Variants in MAGI1 observed in about 807,000 individuals in gnomAD.
MAGI1 encodes membrane-associated guanylate kinase, WW and PDZ domain-containing protein 1.
MAGI1 carries 58 observed loss-of-function variants against 139.9 expected under a neutral mutation model. That is an observed-to-expected ratio of 0.41 (90% CI 0.34 to 0.52). The LOEUF is 0.52. Among genes scored for constraint, MAGI1 ranks in the 20% least tolerant of loss-of-function variants. The probability of loss-of-function intolerance (pLI) is 0.12; values close to 1 mark genes in which losing one functional copy is unlikely to be tolerated. For synonymous variants in MAGI1, 812 were observed against 737.9 expected (o/e 1.10, Z -1.63); for missense variants, 1,874 against 1,901.6 (o/e 0.99, Z 0.27).
intron 2 of MAGI1, among the ~76,000 whole-genome samples, chr3:65,514,518 C>G (rs1170482861): frequency 6.6e-6 from 1 of 150,482 alleles, no homozygotes; most frequent in Non-Finnish European, 1.5e-5. Context: ...AGACACTTCT[C>G]AAAAGAAGAC....
intron 1 of MAGI1, among the ~76,000 whole-genome samples, chr3:65,950,067 C>CAAAAAAAAACA (rs2063733550): frequency 1.0e-4 from 8 of 76,698 alleles, no homozygotes; most frequent in Non-Finnish European, 1.8e-4. Context: ...AACAAAAAAA[C>CAAAAAAAAACA]AAAAAAAAAA....
rs574932979 is a variant in MAGI1, at chr3:65,364,940, G to A, written c.3203C>T (p.Ser1068Leu). 12 of 1,613,762 alleles carry A rather than the reference G, an allele frequency of 7.4e-6. No homozygotes were observed. The highest frequency in any genetic ancestry group is 6.7e-5 in the East Asian group (3 of 44,860). Reference sequence around the variant, plus strand: ...TGCATTGGTCAGCAAGGTGGCATTCGAGGACTCTGCAAAGAGGGACAGAGC... The same window carrying A: ...TGCATTGGTCAGCAAGGTGGCATTCAAGGACTCTGCAAAGAGGGACAGAGC... The part of the protein sequence containing the change: ...TLRIIPGDES[S>L]NATLLTNAEK... The change falls in exon 19 of 23, where the codon TCG becomes TTG. Residue 1068 changes from serine to leucine, a missense_variant. This residue lies in a region of MAGI1 where 653 missense variants were observed against 644.5 expected (regional missense o/e 1.01). Transcript: ENST00000402939.
intron 6 of MAGI1, among the ~76,000 whole-genome samples, chr3:65,449,711 G>T (rs1035954093): frequency 6.6e-6 from 1 of 152,138 alleles, no homozygotes; most frequent in African/African-American, 2.4e-5. Context: ...GGAGGCAAAG[G>T]TTGCAGTGAG....
At chr3:65,554,615 A>G (rs2080000700) in intron 2 of MAGI1, among the ~76,000 whole-genome samples, 1 of 152,230 alleles carries the variant, frequency 6.6e-6, no homozygotes, top group Non-Finnish European at 1.5e-5. Context: ...ACTTTTAGGC[A>G]CAGTTCATTT....
rs55826911 is a variant in MAGI1 at position 65,891,885 on chromosome 3, AAT to A, written c.313+146109_313+146110del. Among the ~76,000 whole-genome samples the A allele has an allele frequency of 1.3e-3, 47 of 37,528 alleles. 3 individuals are homozygous for A. The highest frequency in any genetic ancestry group is 1.3e-3 in the African/African-American group (17 of 13,552). 24.6% of individuals were successfully genotyped at this position (37,528 alleles called of 152,430 possible). On this transcript the variant is annotated intron_variant, in intron 1 of 22. Transcript: ENST00000402939. Reference sequence around the variant, plus strand: ...AAATGTACCCTAGAACTTAAAGTATAATATATATATATATATATATATATATA... The same window carrying A: ...AAATGTACCCTAGAACTTAAAGTATAATATATATATATATATATATATATA...
At chr3:65,812,699 C>CT (rs539502538) in intron 1 of MAGI1, among the ~76,000 whole-genome samples, 1,465 of 72,932 alleles carry the variant, frequency 0.02, 182 homozygotes, top group East Asian at 0.07. Flanking sequence ...AGTTAGTTTA[C>CT]TTTTTTTTTT....
At chr3:65,517,724 C>T (rs1020622041) in intron 2 of MAGI1, among the ~76,000 whole-genome samples, 7 of 152,138 alleles carry the variant, frequency 4.6e-5, no homozygotes, top group African/African-American at 1.4e-4. Flanking sequence ...GAGCTCTCTG[C>T]CACAGGGATC....
chr3:65,702,841 A>G (rs997984340), intron 1 of MAGI1, among the ~76,000 whole-genome samples: 1 of 152,058 alleles, frequency 6.6e-6, no homozygotes, highest in Non-Finnish European at 1.5e-5. Context: ...ATGCACACTT[A>G]TCACATAAAT....
chr3:65,575,331 C>T (rs900656815), intron 2 of MAGI1, among the ~76,000 whole-genome samples: 1 of 151,886 alleles, frequency 6.6e-6, no homozygotes, highest in African/African-American at 2.4e-5. Context: ...TAATGAGGTA[C>T]CAAGATATAC....
At chr3:65,943,995 T>C (rs1247812635) in intron 1 of MAGI1, among the ~76,000 whole-genome samples, 1 of 152,178 alleles carries the variant, frequency 6.6e-6, no homozygotes, top group Non-Finnish European at 1.5e-5. Context: ...GGGCCAATTT[T>C]CATATTTCTC....
intron 1 of MAGI1, chr3:65,874,001 GC>G (rs2060026139): frequency 6.6e-6 from 1 of 152,162 alleles, no homozygotes; most frequent in Non-Finnish European, 1.5e-5. Context: ...AAGTGAAGAT[GC>G]AGGCTAGGTG....
At chr3:65,858,230 G>A (rs2059432483) in intron 1 of MAGI1, among the ~76,000 whole-genome samples, 1 of 152,212 alleles carries the variant, frequency 6.6e-6, no homozygotes, top group Non-Finnish European at 1.5e-5. Flanking sequence ...ATGACCAGCA[G>A]AACTTTCCAG....
chr3:65,828,165 C>T (rs893139772), intron 1 of MAGI1, among the ~76,000 whole-genome samples: 4 of 152,164 alleles, frequency 2.6e-5, no homozygotes, highest in African/African-American at 9.7e-5. Context: ...GAATGATTTC[C>T]ATCTGCAACT....
chr3:65,438,260 G>A (rs1277916278), intron 9 of MAGI1, among the ~76,000 whole-genome samples: 1 of 152,168 alleles, frequency 6.6e-6, no homozygotes, highest in African/African-American at 2.4e-5. Flanking sequence ...ATTACCTTAA[G>A]TGAAACAACT....
intron 1 of MAGI1, among the ~76,000 whole-genome samples, chr3:65,935,940 T>G (rs1241595476): frequency 4.6e-5 from 7 of 152,210 alleles, no homozygotes; most frequent in Non-Finnish European, 8.8e-5. Flanking sequence ...ACCACCCAGG[T>G]GAACTCGGCA....
intron 1 of MAGI1, among the ~76,000 whole-genome samples, chr3:65,974,235 A>C (rs113218657): frequency 6.6e-6 from 1 of 151,866 alleles, no homozygotes; most frequent in Non-Finnish European, 1.5e-5. Context: ...ATCACTATGC[A>C]CTGTTCCTGG....
At chr3:65,384,070 G>A (rs1183482696) in intron 14 of MAGI1, among the ~76,000 whole-genome samples, 3 of 152,184 alleles carry the variant, frequency 2.0e-5, no homozygotes, top group African/African-American at 4.8e-5. Context: ...GTCACCAGAT[G>A]TTTCCTCTAC....
chr3:65,661,092 A>C (rs555260902), intron 1 of MAGI1, among the ~76,000 whole-genome samples: 3 of 152,248 alleles, frequency 2.0e-5, no homozygotes, highest in African/African-American at 7.2e-5. Flanking sequence ...CTAAAAAATA[A>C]AAAACAAATT....
intron 2 of MAGI1, among the ~76,000 whole-genome samples, chr3:65,569,828 T>A (rs538546862): frequency 2.6e-5 from 4 of 151,942 alleles, no homozygotes; most frequent in African/African-American, 9.7e-5. Flanking sequence ...TGAGCCATGA[T>A]TGTACCACTG....
Sources: allele counts gnomAD v4.1 joint callset (sites outside exome capture counted in the v4.1 genomes callset), GRCh38; gene constraint gnomAD v4.1.1; regional missense constraint gnomAD v4.1.1; transcripts MANE v1.5; gene names NCBI Gene and HGNC (gene_info 2026-07-23, HGNC 2026-07-21).